Variants in APBA1 observed in about 807,000 individuals in gnomAD.
The protein encoded by APBA1 is amyloid-beta A4 precursor protein-binding family A member 1.
In APBA1, 55 loss-of-function variants were observed where a neutral mutation model predicts 86.6. The ratio of observed to expected loss-of-function variants is 0.64; its 90% CI spans 0.51 to 0.80. APBA1 has a LOEUF of 0.80. Among genes scored for constraint, APBA1 ranks in the 30% least tolerant of loss-of-function variants. The pLI is 0.00. For synonymous variants in APBA1, 511 were observed against 493.9 expected (o/e 1.03, Z -0.46); for missense variants, 1,090 against 1,183.0 (o/e 0.92, Z 1.15).
At chr9:69,633,933 C>T (rs915085524) in intron 1 of APBA1, among the ~76,000 whole-genome samples, 4 of 152,182 alleles carry the variant, frequency 2.6e-5, no homozygotes, top group African/African-American at 7.2e-5. Flanking sequence ...TTAGGTCAAA[C>T]TCTGTAAGAA....
chr9:69,456,104 ATAT>A, intron 8 of APBA1, 140 bp downstream of exon 8: 1 of 936,794 alleles, frequency 1.1e-6, no homozygotes, highest in Non-Finnish European at 1.7e-6. Flanking sequence ...ACTCAGCCTT[ATAT>A]CTCTAGTGCT....
intron 2 of APBA1, among the ~76,000 whole-genome samples, chr9:69,486,352 T>G (rs1248112633): frequency 6.6e-6 from 1 of 152,104 alleles, no homozygotes; most frequent in Non-Finnish European, 1.5e-5. Flanking sequence ...TCAGGCTGTT[T>G]GAAGGGAAGA....
Position 69,481,388 on chromosome 9 carries a change from C to A in APBA1, c.1201-5245G>T, listed in dbSNP as rs999810142. Among the ~76,000 whole-genome samples, 7 of 150,878 alleles carry A rather than the reference C, an allele frequency of 4.6e-5. No homozygotes were observed. In the South Asian group the frequency reaches 6.3e-4, roughly 14 times the overall value. ...ATTCACAATTGCTTCAAAGAGAATA[C>A]AATACCTAGGAATCCAACTTACAAG... is the stretch of plus-strand genomic sequence containing the variant. On this transcript the variant is annotated intron_variant, in intron 2 of 12. Transcript: ENST00000265381.
intron 5 of APBA1, chr9:69,462,092 A>G (rs1441453020): frequency 6.6e-6 from 1 of 152,246 alleles, no homozygotes; most frequent in Non-Finnish European, 1.5e-5. Context: ...GCAGCTTGCC[A>G]AAATGCATGG....
At chr9:69,488,445 C>A (rs1835647198) in intron 2 of APBA1, among the ~76,000 whole-genome samples, 1 of 152,040 alleles carries the variant, frequency 6.6e-6, no homozygotes, top group Non-Finnish European at 1.5e-5. Flanking sequence ...AAAGAGTAAA[C>A]TAAGGTTATA....
rs747798588 is a variant in APBA1 at position 69,517,079 on chromosome 9, C to G, written c.132G>C (p.Gln44His). The G allele has an allele frequency of 3.2e-6, 5 of 1,584,112 alleles. No homozygotes were observed. In the South Asian group the frequency reaches 3.4e-5, roughly 11 times the overall value. ...VEEEQQQPPQQQHYVGRHQRG... is the reference protein window; with the variant it reads ...VEEEQQQPPQHQHYVGRHQRG... The stretch of plus-strand genomic sequence containing the variant: ...GCTGGTGGCGGCCCACATAGTGCTG[C>G]TGCTGCGGCGGCTGCTGCTGTTCCT... Residue 44 changes from glutamine (Q) to histidine (H), a missense_variant, in exon 2 of 13, where the codon CAG becomes CAC. By Grantham distance (24) the Gln-to-His change is conservative. Around this residue, in one of 6 missense-constraint regions of APBA1, gnomAD observed 678 missense variants for 647.1 expected, o/e 1.05. Coordinates refer to ENST00000265381, the MANE Select transcript of APBA1 (RefSeq NM_001163.4).
At chr9:69,497,171 C>T (rs1835812238) in intron 2 of APBA1, among the ~76,000 whole-genome samples, 3 of 152,136 alleles carry the variant, frequency 2.0e-5, no homozygotes, top group South Asian at 4.2e-4. Flanking sequence ...TTATTCACCA[C>T]CATCTTCTCC....
chr9:69,593,406 C>T (rs1302234109), intron 1 of APBA1, among the ~76,000 whole-genome samples: 1 of 152,182 alleles, frequency 6.6e-6, no homozygotes, highest in Non-Finnish European at 1.5e-5. Context: ...TCATATTTCA[C>T]TTGCTTAGAC....
chr9:69,565,033 C>T (rs1206350375), intron 1 of APBA1, among the ~76,000 whole-genome samples: 1 of 152,176 alleles, frequency 6.6e-6, no homozygotes, highest in Admixed American at 6.5e-5. Context: ...AGAGAAGGCA[C>T]ATCTTTCTTT....
chr9:69,433,824 T>G (rs1167316486), intron 11 of APBA1, among the ~76,000 whole-genome samples: 2 of 151,410 alleles, frequency 1.3e-5, no homozygotes, highest in African/African-American at 2.4e-5. Flanking sequence ...TTTTTTTTTT[T>G]TTTTTAAGAC....
chr9:69,580,339 T>C lies in APBA1; in HGVS notation c.-69-63060A>G, dbSNP rs147860958. Among the ~76,000 whole-genome samples the C allele has an allele frequency of 3.4e-3, 519 of 152,272 alleles. 4 individuals carry two copies. Among genetic ancestry groups the C allele is most frequent in the African/African-American group, 0.012 (494 of 41,554 alleles). ...TAACACTGAGTGGGTATTTAAATAT[T>C]AATTCCTTTACTTCAGATCAAGCCC... is the stretch of plus-strand genomic sequence containing the variant. On this transcript the variant is annotated intron_variant, in intron 1 of 12. Coordinates refer to ENST00000265381, the MANE Select transcript of APBA1 (RefSeq NM_001163.4).
At chr9:69,555,978 A>C (rs1041945186) in intron 1 of APBA1, among the ~76,000 whole-genome samples, 8 of 152,200 alleles carry the variant, frequency 5.3e-5, no homozygotes, top group Non-Finnish European at 1.2e-4. Context: ...CCTAAAACTG[A>C]TCAACCCCAA....
intron 1 of APBA1, among the ~76,000 whole-genome samples, chr9:69,619,589 T>C (rs929411007): frequency 6.6e-6 from 1 of 152,202 alleles, no homozygotes; most frequent in African/African-American, 2.4e-5. Context: ...TTATTACCAT[T>C]GTCTCAAAGA....
At chr9:69,523,493 A>ATATG (rs59677834) in intron 1 of APBA1, among the ~76,000 whole-genome samples, 1 of 13,578 alleles carries the variant, frequency 7.4e-5, no homozygotes, top group Non-Finnish European at 2.0e-4. Flanking sequence ...ATATATATAT[A>ATATG]TATGTATATA....
chr9:69,502,464 T>G lies in APBA1; in HGVS notation c.1200+13547A>C, dbSNP rs1222966874. ...AATCATTTGTTCTTCAAATGGGATTTCAGGGTGAAGCCTTTTCATTTTAAA... is the reference window on the plus strand; with the variant it reads ...AATCATTTGTTCTTCAAATGGGATTGCAGGGTGAAGCCTTTTCATTTTAAA... On this transcript the variant is annotated intron_variant, in intron 2 of 12. Transcript: ENST00000265381. Among the ~76,000 whole-genome samples, 3 of 152,096 alleles carry G rather than the reference T, an allele frequency of 2.0e-5. No individual in the cohort carries two copies. The East Asian group carries it at 5.8e-4, about 29-fold the overall frequency.
rs1564104976 is a variant in APBA1 at position 69,658,298 on chromosome 9, C to CTCTCTT, written c.-70+13854_-70+13855insAAGAGA. ...TTTCTTTCTTTCTCTCTCTCTTTCT[C>CTCTCTT]TCTCTCTCTTTCTTTCTTTCTTTCT... On this transcript the variant is annotated intron_variant, in intron 1 of 12. Transcript: ENST00000265381. 2.0e-3 allele frequency among the ~76,000 whole-genome samples: 162 copies of CTCTCTT among 82,966 alleles called. 4 individuals carry two copies. The highest frequency in any genetic ancestry group is 0.011 in the Admixed American group (79 of 7,304). The allele number at this position is 82,966 out of a possible 152,430, so 54.4% of individuals were successfully genotyped here.
At chr9:69,544,420 A>T (rs1002723420) in intron 1 of APBA1, among the ~76,000 whole-genome samples, 2 of 152,264 alleles carry the variant, frequency 1.3e-5, no homozygotes, top group African/African-American at 2.4e-5. Flanking sequence ...AATTTATTAT[A>T]CATGCATATA....
intron 1 of APBA1, among the ~76,000 whole-genome samples, chr9:69,556,313 T>G (rs1314245244): frequency 6.6e-6 from 1 of 152,094 alleles, no homozygotes. Context: ...AGCCACAGCA[T>G]TTACATCTTT....
intron 1 of APBA1, among the ~76,000 whole-genome samples, chr9:69,569,227 C>T (rs1837077419): frequency 6.6e-6 from 1 of 152,166 alleles, no homozygotes; most frequent in Non-Finnish European, 1.5e-5. Context: ...AACACACACA[C>T]CCCACCCCAC....
Sources: gnomAD v4.1 joint callset for allele counts (sites outside exome capture counted in the v4.1 genomes callset) on GRCh38, gnomAD v4.1.1 for gene constraint, gnomAD v4.1.1 regional missense constraint, MANE v1.5 for transcripts, NCBI Gene and HGNC (gene_info 2026-07-23, HGNC 2026-07-21) for gene names.